SH3GL3: variants seen among roughly 807,000 people sequenced by gnomAD.
The protein encoded by SH3GL3 is endophilin-A3.
Under a neutral mutation model 47.7 loss-of-function variants are expected in SH3GL3, and 33 were observed. The ratio of observed to expected loss-of-function variants is 0.69; its 90% CI spans 0.52 to 0.92. The LOEUF is 0.92. SH3GL3 is among the 40% of genes least tolerant of loss of function. The probability of loss-of-function intolerance (pLI) is 0.00; values close to 1 mark genes in which losing one functional copy is unlikely to be tolerated. For missense variants in SH3GL3, 363 were observed against 417.8 expected, an observed-to-expected ratio of 0.87 and a Z score of 1.14; for synonymous variants, 155 against 148.8, an observed-to-expected ratio of 1.04 and a Z score of -0.30.
intron 1 of SH3GL3, among the ~76,000 whole-genome samples, chr15:83,490,283 T>C (rs1436645908): frequency 2.0e-5 from 3 of 151,010 alleles, no homozygotes; most frequent in South Asian, 2.1e-4. Context: ...TTTTTTTTTT[T>C]CCGCTGACCC....
At chr15:83,591,200 G>A (rs2060087145) in intron 8 of SH3GL3, among the ~76,000 whole-genome samples, 1 of 152,062 alleles carries the variant, frequency 6.6e-6, no homozygotes, top group Non-Finnish European at 1.5e-5. Context: ...TAGAGATGGG[G>A]TTTCACTGTG....
intron 1 of SH3GL3, among the ~76,000 whole-genome samples, chr15:83,473,408 T>G (rs2040927308): frequency 6.6e-6 from 1 of 152,084 alleles, no homozygotes; most frequent in Non-Finnish European, 1.5e-5. Context: ...CATTTTGTTT[T>G]CTCTGTGGTC....
intron 1 of SH3GL3, among the ~76,000 whole-genome samples, chr15:83,487,842 T>G (rs971682135): frequency 6.6e-6 from 1 of 151,912 alleles, no homozygotes; most frequent in Non-Finnish European, 1.5e-5. Context: ...CCATTTTTTT[T>G]TCTTTCTTTT....
chr15:83,597,764 C>T (rs944525612), intron 8 of SH3GL3, among the ~76,000 whole-genome samples: 2 of 151,952 alleles, frequency 1.3e-5, no homozygotes, highest in East Asian at 3.9e-4. Context: ...TGCCTGCCAC[C>T]GTACCTGGCT....
At chr15:83,500,311 A>T (rs1469190938) in intron 1 of SH3GL3, among the ~76,000 whole-genome samples, 3 of 152,238 alleles carry the variant, frequency 2.0e-5, no homozygotes, top group Non-Finnish European at 4.4e-5. Flanking sequence ...ATATAATGAT[A>T]GTAATAAGAT....
the SH3GL3 span, among the ~76,000 whole-genome samples, chr15:83,624,326 C>G: frequency 6.6e-6 from 1 of 152,160 alleles, no homozygotes; most frequent in Non-Finnish European, 1.5e-5. Context: ...CCTACGGCAC[C>G]GAGCAGGGCT....
At chr15:83,627,178 A>G in the SH3GL3 span, among the ~76,000 whole-genome samples, 1 of 152,152 alleles carries the variant, frequency 6.6e-6, no homozygotes, top group East Asian at 1.9e-4. Flanking sequence ...CGGGCGGATC[A>G]CGAGGTCAGC....
intron 1 of SH3GL3, among the ~76,000 whole-genome samples, chr15:83,509,195 A>G (rs529440627): frequency 6.6e-6 from 1 of 152,336 alleles, no homozygotes; most frequent in East Asian, 1.9e-4. Flanking sequence ...TGTCCTGGAT[A>G]AAGAAGATGG....
downstream of SH3GL3, among the ~76,000 whole-genome samples, chr15:83,623,317 T>C (rs913697928): frequency 1.3e-5 from 2 of 152,228 alleles, no homozygotes; most frequent in African/African-American, 2.4e-5. Flanking sequence ...AAGTTGGTGA[T>C]GTAGTCTGGG....
In SH3GL3 at chr15:83,616,866, AAAG is replaced by A. The variant is rs1385183652; in HGVS notation, c.839-1210_839-1208del. Reference sequence around the variant, plus strand: ...TGAAAAGAAGAGAAGGAAGGAAAAGAAAGAAGAACCGTAAATGTCCAACAATAG... The same window carrying A: ...TGAAAAGAAGAGAAGGAAGGAAAAGAAAGAACCGTAAATGTCCAACAATAG... On this transcript the variant is annotated intron_variant, in intron 8 of 8. Coordinates refer to ENST00000427482, the MANE Select transcript of SH3GL3 (RefSeq NM_003027.5). 2.6e-5 allele frequency among the ~76,000 whole-genome samples: 4 copies of A among 152,180 alleles called. No individual in the cohort carries two copies. In the East Asian group the frequency reaches 7.7e-4, roughly 29 times the overall value.
intron 1 of SH3GL3, among the ~76,000 whole-genome samples, chr15:83,479,584 C>G (rs1414911868): frequency 6.6e-6 from 1 of 152,150 alleles, no homozygotes; most frequent in African/African-American, 2.4e-5. Flanking sequence ...ACTGCCCTGC[C>G]CATCATTGGC....
chr15:83,528,563 T>G lies in SH3GL3; in HGVS notation c.46-30690T>G, dbSNP rs186649671. 3.6e-3 allele frequency among the ~76,000 whole-genome samples: 554 copies of G among 152,302 alleles called. 3 individuals carry two copies. The highest frequency in any genetic ancestry group is 0.011 in the African/African-American group (471 of 41,568). On this transcript the variant is annotated intron_variant, in intron 1 of 8. Transcript: ENST00000427482. ...AACATTTGTCTTTAAGTTCTGGAAT[T>G]CGTATGCTTAATCTAGTCTATTGTT...
At chr15:83,471,572 A>G (rs1194940627) in intron 1 of SH3GL3, among the ~76,000 whole-genome samples, 1 of 152,238 alleles carries the variant, frequency 6.6e-6, no homozygotes, top group East Asian at 1.9e-4. Context: ...TAGCCAATCC[A>G]GTGATTTCAT....
At chr15:83,475,987 T>C (rs1424141266) in intron 1 of SH3GL3, among the ~76,000 whole-genome samples, 1 of 152,184 alleles carries the variant, frequency 6.6e-6, no homozygotes, top group African/African-American at 2.4e-5. Flanking sequence ...TACGTGAGTA[T>C]TGATCATAAT....
intron 1 of SH3GL3, among the ~76,000 whole-genome samples, chr15:83,461,783 C>T (rs1248203931): frequency 6.6e-6 from 1 of 151,898 alleles, no homozygotes; most frequent in Non-Finnish European, 1.5e-5. Context: ...CTTCTTGCTT[C>T]AGAAGTTAAA....
chr15:83,607,907 C>A (rs972515501), intron 8 of SH3GL3, among the ~76,000 whole-genome samples: 1 of 150,190 alleles, frequency 6.7e-6, no homozygotes, highest in Non-Finnish European at 1.5e-5. Context: ...AAAAAACAAC[C>A]CACACACATT....
intron 1 of SH3GL3, among the ~76,000 whole-genome samples, chr15:83,484,588 T>C (rs2041510668): frequency 6.6e-6 from 1 of 152,188 alleles, no homozygotes; most frequent in Non-Finnish European, 1.5e-5. Flanking sequence ...TTTTGGTTGT[T>C]TTTTTGTATC....
intron 1 of SH3GL3, among the ~76,000 whole-genome samples, chr15:83,462,262 C>T (rs2040337121): frequency 2.6e-5 from 4 of 152,268 alleles, no homozygotes; most frequent in Admixed American, 6.5e-5. Context: ...TTCCCAAGGC[C>T]GTTGGAACAA....
intron 1 of SH3GL3, among the ~76,000 whole-genome samples, chr15:83,553,819 A>G (rs565396586): frequency 1.2e-4 from 18 of 152,174 alleles, no homozygotes; most frequent in Admixed American, 9.8e-4. Flanking sequence ...ACTCAGACAC[A>G]TTGGTTTTTG....
Sources: allele counts gnomAD v4.1 joint callset (sites outside exome capture counted in the v4.1 genomes callset), GRCh38; gene constraint gnomAD v4.1.1; transcripts MANE v1.5; gene names NCBI Gene and HGNC (gene_info 2026-07-23, HGNC 2026-07-21).